RBMS1: variants seen among roughly 807,000 people sequenced by gnomAD.
The protein encoded by RBMS1 is RNA-binding motif, single-stranded-interacting protein 1.
A neutral mutation model predicts 62.3 loss-of-function variants in RBMS1; 17 were observed. That is an observed-to-expected ratio of 0.27 (90% CI 0.19 to 0.41). RBMS1 has a LOEUF of 0.41. Ranked by LOEUF, RBMS1 falls within the 10% of genes least tolerant of loss-of-function variation. RBMS1 has a pLI of 1.00. For missense variants in RBMS1, 334 were observed against 504.5 expected (o/e 0.66, Z 3.24); for synonymous variants, 172 against 170.0 (o/e 1.01, Z -0.09).
intron 1 of RBMS1, among the ~76,000 whole-genome samples, chr2:160,425,290 T>C (rs1293190584): frequency 6.6e-6 from 1 of 152,234 alleles, no homozygotes; most frequent in African/African-American, 2.4e-5. Context: ...GGGAGATGAT[T>C]AGGTCTCTTA....
rs1163986029 is a variant in RBMS1 at position 160,407,520 on chromosome 2, T to C, written c.76-40129A>G. On this transcript the variant is annotated intron_variant, in intron 1 of 13. Transcript: ENST00000348849. Reference sequence around the variant, plus strand: ...CTGCCCCCGGGGTTGCCACTGCTGCTGGGGAAGATCATCGCTGCGGGCGGC... The same window carrying C: ...CTGCCCCCGGGGTTGCCACTGCTGCCGGGGAAGATCATCGCTGCGGGCGGC... The C allele has an allele frequency of 3.3e-5, 33 of 986,418 alleles. No homozygotes were observed. The East Asian group carries it at 3.4e-3, about 102-fold the overall frequency. 61.1% of individuals were successfully genotyped at this position (986,418 alleles called of 1,614,324 possible).
At chr2:160,294,424 T>C (rs1186661434) in intron 6 of RBMS1, among the ~76,000 whole-genome samples, 2 of 152,108 alleles carry the variant, frequency 1.3e-5, no homozygotes, top group Non-Finnish European at 2.9e-5. Context: ...ATGGCTGGCA[T>C]GAGGGACCCA....
At chr2:160,282,539 G>A (rs957923337) in intron 9 of RBMS1, 1 of 291,230 alleles carries the variant, frequency 3.4e-6, no homozygotes. Flanking sequence ...TGGGCCAGAT[G>A]CCCCCATTTT....
intron 1 of RBMS1, among the ~76,000 whole-genome samples, chr2:160,385,045 T>C (rs1419481317): frequency 3.3e-5 from 5 of 152,178 alleles, no homozygotes; most frequent in African/African-American, 1.2e-4. Flanking sequence ...CTCTGTCTTC[T>C]GCCATGACTG....
At chr2:160,372,972 TAATC>T (rs1007231496) in intron 1 of RBMS1, among the ~76,000 whole-genome samples, 3 of 152,032 alleles carry the variant, frequency 2.0e-5, no homozygotes, top group African/African-American at 7.2e-5. Context: ...GTTAAGGAAA[TAATC>T]AATTAATCCC....
At chr2:160,404,308 GC>G (rs1413494375) in intron 1 of RBMS1, among the ~76,000 whole-genome samples, 7 of 152,162 alleles carry the variant, frequency 4.6e-5, no homozygotes, top group African/African-American at 1.7e-4. Flanking sequence ...ACTCCCTGAT[GC>G]CCTAGCTACA....
At chr2:160,419,590 T>C (rs146288805) in intron 1 of RBMS1, among the ~76,000 whole-genome samples, 1 of 152,340 alleles carries the variant, frequency 6.6e-6, no homozygotes, top group African/African-American at 2.4e-5. Context: ...CACCTTATTG[T>C]ATGTTTGAAA....
intron 1 of RBMS1, among the ~76,000 whole-genome samples, chr2:160,490,413 C>T (rs1205399646): frequency 1.3e-5 from 2 of 151,998 alleles, no homozygotes; most frequent in Non-Finnish European, 2.9e-5. Flanking sequence ...TTCATTTCCA[C>T]TCATGTCCTG....
intron 1 of RBMS1, among the ~76,000 whole-genome samples, chr2:160,465,917 A>G (rs1017498250): frequency 2.0e-5 from 3 of 148,060 alleles, no homozygotes; most frequent in African/African-American, 7.4e-5. Context: ...TTCAATCTTT[A>G]CATAGTAGTT....
chr2:160,390,748 T>C lies in RBMS1; in HGVS notation c.76-23357A>G, dbSNP rs1694824292. Among the ~76,000 whole-genome samples the C allele has an allele frequency of 2.0e-5, 3 of 149,752 alleles. No individual in the cohort carries two copies. In the South Asian group the frequency reaches 6.3e-4, roughly 32 times the overall value. ...TTTGGCTGGAATGGCAGGTATGAAC[T>C]TGCACAAAGCAGAGGATGGGAAGAA... On this transcript the variant is annotated intron_variant, in intron 1 of 13. Coordinates refer to ENST00000348849, the MANE Select transcript of RBMS1 (RefSeq NM_016836.4).
chr2:160,370,737 G>A (rs968364952), intron 1 of RBMS1, among the ~76,000 whole-genome samples: 1 of 152,156 alleles, frequency 6.6e-6, no homozygotes, highest in Non-Finnish European at 1.5e-5. Flanking sequence ...TGCTCTATTT[G>A]TATTCTTTCA....
At chr2:160,283,185 ATACT>A (rs1232904189) in intron 9 of RBMS1, 2 of 152,250 alleles carry the variant, frequency 1.3e-5, no homozygotes, top group Non-Finnish European at 2.9e-5. Flanking sequence ...ATTCAAATTA[ATACT>A]TACAACCTTT....
intron 1 of RBMS1, among the ~76,000 whole-genome samples, chr2:160,427,830 A>G (rs1682701970): frequency 6.6e-6 from 1 of 152,224 alleles, no homozygotes; most frequent in East Asian, 1.9e-4. Context: ...GTTGAATTTC[A>G]TTCTCTTCAG....
At chr2:160,371,335 G>C (rs1339856183) in intron 1 of RBMS1, among the ~76,000 whole-genome samples, 1 of 152,108 alleles carries the variant, frequency 6.6e-6, no homozygotes, top group East Asian at 1.9e-4. Context: ...AAGCTGCCTT[G>C]GAACGTGAAA....
chr2:160,286,229 G>T (rs1434224849), intron 7 of RBMS1, among the ~76,000 whole-genome samples: 1 of 147,706 alleles, frequency 6.8e-6, no homozygotes, highest in East Asian at 2.0e-4. Context: ...GAGCACAGGA[G>T]TTCAAGGTTG....
chr2:160,289,496 C>T (rs1338282397), intron 6 of RBMS1, among the ~76,000 whole-genome samples: 1 of 152,214 alleles, frequency 6.6e-6, no homozygotes, highest in Non-Finnish European at 1.5e-5. Flanking sequence ...ATTCTAACAG[C>T]TTTCCTCTTT....
intron 1 of RBMS1, among the ~76,000 whole-genome samples, chr2:160,491,602 T>C (rs2105370665): frequency 6.6e-6 from 1 of 152,372 alleles, no homozygotes; most frequent in South Asian, 2.1e-4. Flanking sequence ...CTAAGGTAAA[T>C]GTGCCTGTAG....
intron 6 of RBMS1, among the ~76,000 whole-genome samples, chr2:160,290,134 C>T (rs554188283): frequency 5.6e-5 from 8 of 144,078 alleles, no homozygotes; most frequent in African/African-American, 2.1e-4. Context: ...ACCAAACCAG[C>T]GGTAGTCCCT....
chr2:160,480,777 A>G (rs943493975), intron 1 of RBMS1, among the ~76,000 whole-genome samples: 1 of 152,196 alleles, frequency 6.6e-6, no homozygotes, highest in African/African-American at 2.4e-5. Flanking sequence ...CGCACTTACT[A>G]TATTGCTACA....
Sources: gnomAD v4.1 joint callset for allele counts (sites outside exome capture counted in the v4.1 genomes callset) on GRCh38, gnomAD v4.1.1 for gene constraint, MANE v1.5 for transcripts, NCBI Gene and HGNC (gene_info 2026-07-23, HGNC 2026-07-21) for gene names.